CDK14: variants seen among roughly 807,000 people sequenced by gnomAD.
The protein encoded by CDK14 is cyclin-dependent kinase 14.
A neutral mutation model predicts 60.7 loss-of-function variants in CDK14; 34 were observed. That is an observed-to-expected ratio of 0.56 (90% confidence interval 0.43 to 0.75). The LOEUF (loss-of-function observed/expected upper bound fraction) is 0.75. CDK14 is among the 30% of genes least tolerant of loss of function. CDK14 has a pLI of 0.00. For synonymous variants in CDK14, 197 were observed against 203.7 expected, an observed-to-expected ratio of 0.97 and a Z score of 0.28; for missense variants, 482 against 564.1, an observed-to-expected ratio of 0.85 and a Z score of 1.47.
At chr7:90,847,788 C>T (rs190528373) in intron 5 of CDK14, among the ~76,000 whole-genome samples, 1 of 152,202 alleles carries the variant, frequency 6.6e-6, no homozygotes, top group African/African-American at 2.4e-5. Flanking sequence ...ATTGAAATGA[C>T]CATTCTTATT....
At chr7:90,975,275 C>T (rs912265161) in intron 9 of CDK14, among the ~76,000 whole-genome samples, 15 of 152,100 alleles carry the variant, frequency 9.9e-5, no homozygotes, top group African/African-American at 3.6e-4. Flanking sequence ...AATCTTTTCA[C>T]CTTGAATTCC....
At chr7:90,617,314 T>G (rs1010438994) in intron 2 of CDK14, among the ~76,000 whole-genome samples, 3 of 152,062 alleles carry the variant, frequency 2.0e-5, no homozygotes, top group Non-Finnish European at 4.4e-5. Context: ...TCTCTCTGCA[T>G]CCAAACTACG....
In CDK14 at chr7:90,596,528, G is replaced by T. The variant is rs1799189050; in HGVS notation, c.-100G>T. On this transcript the variant is annotated 5_prime_UTR_variant, in exon 1 of 15. Transcript: ENST00000380050. ...TTCCCGGCCCGCCGAGGAGGTGGTG[G>T]AGGAGGAGGCGCCGCTTTCCCCGCG... The T allele has an allele frequency of 3.2e-6, 3 of 935,060 alleles. No individual in the cohort carries two copies. The South Asian group carries it at 4.2e-5, about 13-fold the overall frequency. 57.9% of individuals were successfully genotyped at this position (935,060 alleles called of 1,614,324 possible). A position where few individuals can be genotyped will look rare whatever the true frequency, so the allele number is the denominator to read the frequency against.
intron 2 of CDK14, among the ~76,000 whole-genome samples, chr7:90,660,017 CTTAAAG>C (rs1169799052): frequency 6.6e-6 from 1 of 152,054 alleles, no homozygotes; most frequent in African/African-American, 2.4e-5. Flanking sequence ...AAGGATTGAG[CTTAAAG>C]TTAAATAGCA....
At chr7:90,660,270 A>G (rs1408651234) in intron 2 of CDK14, among the ~76,000 whole-genome samples, 1 of 152,166 alleles carries the variant, frequency 6.6e-6, no homozygotes, top group Non-Finnish European at 1.5e-5. Flanking sequence ...AATTTGCTAA[A>G]TCAAATACTG....
At chr7:91,162,339 CA>C (rs1195893982) in intron 14 of CDK14, among the ~76,000 whole-genome samples, 2 of 152,160 alleles carry the variant, frequency 1.3e-5, no homozygotes, top group Non-Finnish European at 2.9e-5. Flanking sequence ...TTCACTCTCC[CA>C]GAAGGCTTCA....
At chr7:90,624,967 C>T (rs1411772184) in intron 2 of CDK14, among the ~76,000 whole-genome samples, 1 of 152,090 alleles carries the variant, frequency 6.6e-6, no homozygotes, top group Non-Finnish European at 1.5e-5. Flanking sequence ...CAGGAGGATG[C>T]TAATAATACT....
At chr7:90,941,905 G>C (rs184059751) in intron 8 of CDK14, among the ~76,000 whole-genome samples, 1 of 152,318 alleles carries the variant, frequency 6.6e-6, no homozygotes, top group Non-Finnish European at 1.5e-5. Context: ...CTCCTCCCTG[G>C]TGTCTTCCAC....
In CDK14 at chr7:90,743,659, A is replaced by G. The variant is rs1803446937; in HGVS notation, c.370-4022A>G. 2.0e-5 allele frequency among the ~76,000 whole-genome samples: 3 copies of G among 151,674 alleles called. 1 individual carries two copies. The highest frequency in any genetic ancestry group is 7.2e-5 in the African/African-American group (3 of 41,402). On this transcript the variant is annotated intron_variant, in intron 3 of 14. Transcript: ENST00000380050. Reference sequence around the variant, plus strand: ...CAACAATTGTTTGATACATTTCAAAACTATGTTATTTGGCCTTTACTAGTT... The same window carrying G: ...CAACAATTGTTTGATACATTTCAAAGCTATGTTATTTGGCCTTTACTAGTT...
intron 11 of CDK14, among the ~76,000 whole-genome samples, chr7:91,062,932 A>G (rs1797853438): frequency 6.6e-6 from 1 of 152,208 alleles, no homozygotes; most frequent in Admixed American, 6.5e-5. Flanking sequence ...TGGAGTGGCA[A>G]CTATGGAAGA....
At chr7:90,615,278 G>T (rs1288862726) in intron 2 of CDK14, among the ~76,000 whole-genome samples, 1 of 152,170 alleles carries the variant, frequency 6.6e-6, no homozygotes, top group African/African-American at 2.4e-5. Flanking sequence ...CTCCAATCTT[G>T]CAAGTTACAA....
At chr7:90,914,660 C>A (rs770951710) in intron 7 of CDK14, among the ~76,000 whole-genome samples, 3 of 152,118 alleles carry the variant, frequency 2.0e-5, no homozygotes, top group Admixed American at 6.5e-5. Flanking sequence ...TTCTCTAGTA[C>A]TGCTTTTTAA....
rs921360331 is a variant in CDK14, at chr7:91,208,046, G to T, written c.*910G>T. 1.3e-5 allele frequency: 2 copies of T among 152,698 alleles called. No homozygotes were observed. Among genetic ancestry groups the T allele is most frequent in the African/African-American group, 4.8e-5 (2 of 41,544 alleles). The allele number at this position is 152,698 out of a possible 1,614,324, so 9.5% of individuals were successfully genotyped here. A position where few individuals can be genotyped will look rare whatever the true frequency, so the allele number is the denominator to read the frequency against. The stretch of plus-strand genomic sequence containing the variant: ...TGGTGCAAAAGAACTATATCTGCTG[G>T]ATGAGCCTTGAAAGCAGTCTTGGCC... On this transcript the variant is annotated 3_prime_UTR_variant, in exon 15 of 15. Transcript: ENST00000380050.
chr7:91,094,415 G>C (rs1562902043), intron 12 of CDK14, among the ~76,000 whole-genome samples: 1 of 152,106 alleles, frequency 6.6e-6, no homozygotes, highest in Non-Finnish European at 1.5e-5. Context: ...GTGTAGCGGT[G>C]GGGGAGAAGT....
At chr7:90,778,436 G>C (rs1226699080) in intron 4 of CDK14, among the ~76,000 whole-genome samples, 1 of 152,140 alleles carries the variant, frequency 6.6e-6, no homozygotes, top group Non-Finnish European at 1.5e-5. Context: ...GTTTCACCCA[G>C]AGCCCCACAA....
intron 4 of CDK14, among the ~76,000 whole-genome samples, chr7:90,763,239 T>C (rs1317551069): frequency 6.6e-6 from 1 of 152,146 alleles, no homozygotes; most frequent in Non-Finnish European, 1.5e-5. Context: ...TGTCGGTAAT[T>C]GACAGATTAA....
At chr7:90,692,596 A>T in intron 2 of CDK14, 1 of 615,148 alleles carries the variant, frequency 1.6e-6, no homozygotes, top group Non-Finnish European at 2.0e-6. Context: ...AATGATATGG[A>T]CTAAGAAGAA....
At chr7:90,644,736 A>G (rs1323918566) in intron 2 of CDK14, among the ~76,000 whole-genome samples, 2 of 152,202 alleles carry the variant, frequency 1.3e-5, no homozygotes, top group African/African-American at 2.4e-5. Context: ...CTTGGACATC[A>G]GTTTGGGAAG....
intron 11 of CDK14, among the ~76,000 whole-genome samples, chr7:91,061,420 C>T (rs371449118): frequency 6.6e-6 from 1 of 152,358 alleles, no homozygotes; most frequent in Admixed American, 6.5e-5. Context: ...ATTCTCCATC[C>T]AGCTTTGTTC....
Sources: gnomAD v4.1 joint callset for allele counts (sites outside exome capture counted in the v4.1 genomes callset) on GRCh38, gnomAD v4.1.1 for gene constraint, MANE v1.5 for transcripts, NCBI Gene and HGNC (gene_info 2026-07-23, HGNC 2026-07-21) for gene names.